Variants in POGLUT3 observed in about 807,000 individuals in gnomAD.
The protein encoded by POGLUT3 is protein O-glucosyltransferase 3, also known as KDEL (Lys-Asp-Glu-Leu) containing 2.
In POGLUT3, 48 loss-of-function variants were observed where a neutral mutation model predicts 54.3. The ratio of observed to expected loss-of-function variants is 0.88; its 90% CI spans 0.70 to 1.12. The LOEUF is 1.12. Among genes scored for constraint, POGLUT3 ranks in the 50% most tolerant of loss-of-function variants. POGLUT3 has a pLI of 0.00. For missense variants in POGLUT3, 629 were observed against 618.7 expected (o/e 1.02, Z -0.18); for synonymous variants, 218 against 237.4 (o/e 0.92, Z 0.75).
At chr11:108,477,900 G>A (rs2093585177) in intron 6 of POGLUT3, 189 bp from the exon 7 acceptor site, 2 of 576,410 alleles carry the variant, frequency 3.5e-6, no homozygotes, top group Non-Finnish European at 6.1e-6. Flanking sequence ...TGTAATCCCA[G>A]TACTTTGGGG....
rs1410334075 is a variant in POGLUT3 at position 108,472,149 on chromosome 11, T to C, written c.*2678A>G. On this transcript the variant is annotated 3_prime_UTR_variant, in exon 8 of 8. Transcript: ENST00000323468. Reference sequence around the variant, plus strand: ...TAGAAAATTTATTTTATTTAAAAGGTATATATATACATAAGTCCCAAGATA... The same window carrying C: ...TAGAAAATTTATTTTATTTAAAAGGCATATATATACATAAGTCCCAAGATA... The C allele has an allele frequency of 6.6e-6, 1 of 152,122 alleles. No individual in the cohort carries two copies. The highest frequency in any genetic ancestry group is 1.5e-5 in the Non-Finnish European group (1 of 68,024). 9.4% of individuals were successfully genotyped at this position (152,122 alleles called of 1,614,324 possible). A position where few individuals can be genotyped will look rare whatever the true frequency, so the allele number is the denominator to read the frequency against.
chr11:108,477,949 G>C, intron 6 of POGLUT3: 1 of 487,558 alleles, frequency 2.1e-6, no homozygotes, highest in Non-Finnish European at 3.6e-6. Flanking sequence ...AAGAGTTCGA[G>C]ATCAGTCTGG....
rs370832881 is a variant in POGLUT3, at chr11:108,482,156, T to G, written c.751A>C (p.Asn251His). 2 of 1,614,028 alleles carry G rather than the reference T, an allele frequency of 1.2e-6. No individual in the cohort carries two copies. Among genetic ancestry groups the G allele is most frequent in the Non-Finnish European group, 1.7e-6 (2 of 1,180,000 alleles). The change falls in exon 4 of 8, where the codon AAT becomes CAT. Residue 251 changes from asparagine (N) to histidine (H), a missense_variant. Asn to His is a moderately conservative substitution (Grantham distance 68, BLOSUM62 1). Transcript: ENST00000323468. ...ATAGGTATGGGGCTAGGGGTTCCAT[T>G]GACTTTTCGATGCTCCAAGGGCCAA... ...GDWPLEHRKVNGTPSPIPIIS... is the reference protein window; with the variant it reads ...GDWPLEHRKVHGTPSPIPIIS...
In POGLUT3 at chr11:108,479,488, TA is replaced by T; in HGVS notation, c.1105del (p.Tyr369IlefsTer3). ...MGFFDFFKYKYQVNVDGTVAA... is the reference protein window; with the variant it reads ...MGFFDFFKYKXQVNVDGTVAA... ...CACGGTCCCATCCACATTTACTTGA[TA>T]CTTGTACTGGAAGATGAAAAACAAA... On this transcript the variant is annotated frameshift_variant, in exon 6 of 8. Coordinates refer to ENST00000323468, the MANE Select transcript of POGLUT3 (RefSeq NM_153705.5). LOFTEE classifies it high-confidence loss of function. The T allele has an allele frequency of 6.3e-7, 1 of 1,586,394 alleles. No homozygotes were observed. Among genetic ancestry groups the T allele is most frequent in the Middle Eastern group, 1.7e-4 (1 of 5,966 alleles).
At chr11:108,484,127 A>T (rs2093598215) in intron 3 of POGLUT3, among the ~76,000 whole-genome samples, 1 of 152,154 alleles carries the variant, frequency 6.6e-6, no homozygotes, top group Non-Finnish European at 1.5e-5. Flanking sequence ...ATGCTTACCC[A>T]CTAGATGATA....
intron 3 of POGLUT3, among the ~76,000 whole-genome samples, chr11:108,484,847 C>G (rs1168799946): frequency 6.6e-6 from 1 of 152,116 alleles, no homozygotes; most frequent in Non-Finnish European, 1.5e-5. Context: ...ATCCTTCACC[C>G]TGTATGATCA....
intron 2 of POGLUT3, among the ~76,000 whole-genome samples, chr11:108,489,552 C>T (rs545973849): frequency 1.6e-4 from 25 of 152,218 alleles, no homozygotes; most frequent in Admixed American, 4.6e-4. Context: ...GACAGTGGAA[C>T]CACATCTTTA....
intron 6 of POGLUT3, among the ~76,000 whole-genome samples, chr11:108,478,580 G>A (rs759426346): frequency 1.3e-5 from 2 of 152,210 alleles, no homozygotes; most frequent in Non-Finnish European, 2.9e-5. Flanking sequence ...CCCACAGGCT[G>A]TTCATTCAGT....
At position 108,481,249 on chromosome 11, in the gene POGLUT3, AT is replaced by A. The variant is rs779792738; in HGVS notation, c.1028del (p.Tyr343PhefsTer16). The A allele has an allele frequency of 5.5e-5, 88 of 1,612,796 alleles. No homozygotes were observed. The highest frequency in any genetic ancestry group is 6.2e-5 in the Non-Finnish European group (73 of 1,179,704). ...CCTTTTCTTTCTCTTGGAAAAAGAA[AT>A]ATCCTGTAATTCCTGCATCTAGTAG... is the stretch of plus-strand genomic sequence containing the variant. ...PQLLDAGITG[Y>X]FFFQEKEKEL... On this transcript the variant is annotated frameshift_variant, in exon 5 of 8. Transcript: ENST00000323468. LOFTEE classifies it high-confidence loss of function.
intron 3 of POGLUT3, among the ~76,000 whole-genome samples, chr11:108,483,198 G>A (rs1202682478): frequency 6.6e-6 from 1 of 152,140 alleles, no homozygotes; most frequent in African/African-American, 2.4e-5. Context: ...TCAACTCTCT[G>A]GCTGGCATTC....
intron 1 of POGLUT3, among the ~76,000 whole-genome samples, chr11:108,494,579 C>T (rs1482082122): frequency 6.6e-6 from 1 of 152,246 alleles, no homozygotes; most frequent in African/African-American, 2.4e-5. Context: ...TTTAGCTTCA[C>T]TGAGCCCAGT....
chr11:108,481,191 C>G lies in POGLUT3; in HGVS notation c.1087G>C (p.Asp363His), dbSNP rs527954248. ...ACTCAAATGCATACCTTAAAGAAAT[C>G]AAAGAAACCCATCAACTTGGCTTTT... ...LGKAKLMGFF[D>H]FFKYKYQVNV... The change falls in exon 5 of 8, where the codon GAT (aspartate) becomes CAT (histidine). Residue 363 changes from aspartate to histidine, a missense_variant. Coordinates refer to ENST00000323468, the MANE Select transcript of POGLUT3 (RefSeq NM_153705.5). 8 of 1,607,690 alleles carry G rather than the reference C, an allele frequency of 5.0e-6. No individual in the cohort carries two copies. Among genetic ancestry groups the G allele is most frequent in the Non-Finnish European group, 5.9e-6 (7 of 1,178,278 alleles).
chr11:108,480,082 C>G (rs369794955), intron 5 of POGLUT3, among the ~76,000 whole-genome samples: 6 of 152,280 alleles, frequency 3.9e-5, no homozygotes, highest in Admixed American at 2.0e-4. Flanking sequence ...GTGATTCGCC[C>G]GCCTCAGCCT....
intron 1 of POGLUT3, among the ~76,000 whole-genome samples, chr11:108,496,510 TA>T (rs1177768648): frequency 6.6e-6 from 1 of 152,210 alleles, no homozygotes; most frequent in African/African-American, 2.4e-5. Flanking sequence ...CTACAAAGCC[TA>T]AATTATTTAC....
At chr11:108,490,094 G>A (rs957412322) in intron 2 of POGLUT3, among the ~76,000 whole-genome samples, 2 of 152,114 alleles carry the variant, frequency 1.3e-5, no homozygotes, top group African/African-American at 2.4e-5. Flanking sequence ...GCTCAGCGTG[G>A]TCTTGAATTC....
intron 5 of POGLUT3, 25 bp from the exon 6 acceptor site, chr11:108,479,520 A>G (rs376258112): frequency 2.3e-5 from 36 of 1,546,828 alleles, no homozygotes; most frequent in Non-Finnish European, 3.1e-5. Flanking sequence ...ACAAACATAA[A>G]CAAACTTTCA....
intron 1 of POGLUT3, among the ~76,000 whole-genome samples, chr11:108,494,238 C>A (rs2093618274): frequency 1.3e-5 from 2 of 152,268 alleles, no homozygotes; most frequent in South Asian, 4.1e-4. Context: ...TCTGGCACTT[C>A]GGATACAATG....
At chr11:108,487,009 ATTT>A (rs1371833995) in intron 2 of POGLUT3, 1 of 152,490 alleles carries the variant, frequency 6.6e-6, no homozygotes, top group Non-Finnish European at 1.5e-5. Flanking sequence ...GATAAGAAAC[ATTT>A]GCAATCTCCT....
chr11:108,491,594 C>G, intron 1 of POGLUT3: 1 of 194,130 alleles, frequency 5.2e-6, no homozygotes. Context: ...TGCTGTGTTG[C>G]CCAGGCTGAT....
Sources: gnomAD v4.1 joint callset for allele counts (sites outside exome capture counted in the v4.1 genomes callset) on GRCh38, gnomAD v4.1.1 for gene constraint, MANE v1.5 for transcripts, NCBI Gene and HGNC (gene_info 2026-07-23, HGNC 2026-07-21) for gene names.